The following COX7B2 variants were observed in gnomAD, a reference collection of about 807,000 sequenced individuals.
COX7B2 encodes cytochrome c oxidase subunit 7B2, mitochondrial.
For missense variants in COX7B2, 109 were observed against 95.9 expected, an observed-to-expected ratio of 1.14 and a Z score of -0.57; for synonymous variants, 37 against 32.1, an observed-to-expected ratio of 1.15 and a Z score of -0.51.
chr4:46,880,029 T>C (rs971927392), intron 1 of COX7B2, among the ~76,000 whole-genome samples: 4 of 152,192 alleles, frequency 2.6e-5, no homozygotes, highest in Non-Finnish European at 5.9e-5. Context: ...CCTTGCCTCG[T>C]GCCGGTTTTC....
chr4:46,764,791 CA>C (rs1386277457), intron 2 of COX7B2, among the ~76,000 whole-genome samples: 1 of 150,574 alleles, frequency 6.6e-6, no homozygotes, highest in Non-Finnish European at 1.5e-5. Context: ...ATAGTAACCA[CA>C]AAGTAAATCT....
chr4:46,834,746 A>G (rs1715394760), intron 2 of COX7B2, among the ~76,000 whole-genome samples: 1 of 152,136 alleles, frequency 6.6e-6, no homozygotes, highest in Non-Finnish European at 1.5e-5. Context: ...AATATTACTA[A>G]AAGAAATCAT....
At position 46,735,058 on chromosome 4, in the gene COX7B2, A is replaced by C. The variant is rs752117515; in HGVS notation, c.135T>G (p.Ser45Arg). 1.4e-5 allele frequency: 23 copies of C among 1,614,086 alleles called. No individual in the cohort carries two copies. The highest frequency in any genetic ancestry group is 1.9e-5 in the Non-Finnish European group (23 of 1,179,974). Residue 45 changes from serine (S) to arginine (R), a missense_variant, in exon 3 of 3, where the codon AGT (serine) becomes AGG (arginine). Ser to Arg is a moderately radical substitution (Grantham distance 110). Coordinates refer to ENST00000355591, the MANE Select transcript of COX7B2 (RefSeq NM_130902.3). ...HDKYGNAVLA[S>R]GTAFCVATWV... Reference sequence around the variant, plus strand: ...ATGTAGCAACACAGAAAGCAGTTCCACTGGCTAGCACAGCATTACCATATT... The same window carrying C: ...ATGTAGCAACACAGAAAGCAGTTCCCCTGGCTAGCACAGCATTACCATATT...
chr4:46,887,334 G>A (rs1719137791), intron 1 of COX7B2, among the ~76,000 whole-genome samples: 1 of 152,158 alleles, frequency 6.6e-6, no homozygotes, highest in Non-Finnish European at 1.5e-5. Flanking sequence ...ATTACCACAT[G>A]ACCTTCATCT....
intron 2 of COX7B2, among the ~76,000 whole-genome samples, chr4:46,829,988 T>C (rs1490558312): frequency 2.6e-5 from 4 of 152,076 alleles, no homozygotes; most frequent in Non-Finnish European, 4.4e-5. Context: ...ATGGCAACTC[T>C]CAAATTAGAG....
chr4:46,743,428 T>C (rs114315315), intron 2 of COX7B2, among the ~76,000 whole-genome samples: 274 of 152,342 alleles, frequency 1.8e-3, no homozygotes, highest in Middle Eastern at 0.014. Flanking sequence ...AATGTAGGAA[T>C]GTATTTCATT....
chr4:46,842,630 CTA>C (rs975319133), intron 2 of COX7B2, among the ~76,000 whole-genome samples: 62 of 151,862 alleles, frequency 4.1e-4, no homozygotes, highest in Non-Finnish European at 7.5e-4. Context: ...CAATTCCCAC[CTA>C]TGAGTGAGAA....
intron 1 of COX7B2, among the ~76,000 whole-genome samples, chr4:46,893,438 T>C (rs2109876743): frequency 6.6e-6 from 1 of 152,320 alleles, no homozygotes; most frequent in South Asian, 2.1e-4. Flanking sequence ...GTGAGTTCTC[T>C]AAGGGCAGAA....
chr4:46,814,882 G>T (rs1227287162), intron 2 of COX7B2, among the ~76,000 whole-genome samples: 1 of 152,024 alleles, frequency 6.6e-6, no homozygotes, highest in Non-Finnish European at 1.5e-5. Context: ...ATTAGATGTG[G>T]TTTAAGAAAA....
chr4:46,870,028 G>T (rs185167903), intron 1 of COX7B2, among the ~76,000 whole-genome samples: 3 of 151,990 alleles, frequency 2.0e-5, no homozygotes, highest in Admixed American at 6.6e-5. Context: ...TGTAGATTTG[G>T]CCTCTTTACA....
intron 1 of COX7B2, among the ~76,000 whole-genome samples, chr4:46,908,598 G>A (rs1720546532): frequency 6.6e-6 from 1 of 152,064 alleles, no homozygotes; most frequent in Non-Finnish European, 1.5e-5. Flanking sequence ...TACACAAATC[G>A]CTCTGCAACA....
intron 2 of COX7B2, among the ~76,000 whole-genome samples, chr4:46,787,176 G>T (rs553686796): frequency 6.6e-6 from 1 of 152,160 alleles, no homozygotes; most frequent in Admixed American, 6.5e-5. Flanking sequence ...AGGCAGGTGC[G>T]GTGGCTCACG....
chr4:46,805,558 GA>G (rs769572289), intron 2 of COX7B2, among the ~76,000 whole-genome samples: 35 of 152,096 alleles, frequency 2.3e-4, no homozygotes, highest in Non-Finnish European at 4.7e-4. Flanking sequence ...TAAGACTACT[GA>G]AATGCAAATT....
At chr4:46,771,060 A>G (rs1413263542) in intron 2 of COX7B2, among the ~76,000 whole-genome samples, 1 of 152,188 alleles carries the variant, frequency 6.6e-6, no homozygotes, top group Non-Finnish European at 1.5e-5. Flanking sequence ...TTTCCAAACC[A>G]TACATGATAA....
chr4:46,853,264 C>T (rs760095480), intron 1 of COX7B2, among the ~76,000 whole-genome samples: 2 of 152,062 alleles, frequency 1.3e-5, no homozygotes, highest in African/African-American at 2.4e-5. Flanking sequence ...TCAGTATATA[C>T]GCTAAAAACA....
intron 2 of COX7B2, among the ~76,000 whole-genome samples, chr4:46,805,325 T>C (rs1352473672): frequency 6.6e-6 from 1 of 152,262 alleles, no homozygotes; most frequent in Non-Finnish European, 1.5e-5. Flanking sequence ...GCCAGGGCTG[T>C]GAGGGCTGCC....
chr4:46,893,826 A>G (rs1719587658), intron 1 of COX7B2, among the ~76,000 whole-genome samples: 3 of 152,152 alleles, frequency 2.0e-5, no homozygotes, highest in African/African-American at 7.2e-5. Flanking sequence ...AAGAGTATAT[A>G]GTTTTAAAAA....
intron 2 of COX7B2, among the ~76,000 whole-genome samples, chr4:46,793,189 T>C (rs1366884034): frequency 6.6e-6 from 1 of 151,866 alleles, no homozygotes; most frequent in Non-Finnish European, 1.5e-5. Flanking sequence ...ACGGGAGAAG[T>C]TTTATGGTGG....
At chr4:46,824,979 A>T (rs568038368) in intron 2 of COX7B2, among the ~76,000 whole-genome samples, 1 of 152,198 alleles carries the variant, frequency 6.6e-6, no homozygotes, top group African/African-American at 2.4e-5. Flanking sequence ...CAAAAGACAA[A>T]GATGTGATGC....
Sources: gnomAD v4.1 joint callset for allele counts (sites outside exome capture counted in the v4.1 genomes callset) on GRCh38, gnomAD v4.1.1 for gene constraint, MANE v1.5 for transcripts, NCBI Gene and HGNC (gene_info 2026-07-23, HGNC 2026-07-21) for gene names.